USP34: variants seen among roughly 807,000 people sequenced by gnomAD.
USP34 encodes the protein ubiquitin specific peptidase 34.
In USP34, 70 loss-of-function variants were observed where a neutral mutation model predicts 460.3. That is an observed-to-expected ratio of 0.15 (90% CI 0.13 to 0.19). USP34 has a LOEUF of 0.19. Ranked by LOEUF, USP34 falls within the 10% of genes least tolerant of loss-of-function variation. The pLI is 1.00. For synonymous variants in USP34, 1,647 were observed against 1,405.3 expected, an observed-to-expected ratio of 1.17 and a Z score of -3.85; for missense variants, 3,985 against 4,236.2, an observed-to-expected ratio of 0.94 and a Z score of 1.65.
At chr2:61,256,060 A>G (rs1688716826) in intron 48 of USP34, among the ~76,000 whole-genome samples, 1 of 152,224 alleles carries the variant, frequency 6.6e-6, no homozygotes, top group Non-Finnish European at 1.5e-5. Context: ...ATTACTTAAG[A>G]AAATGTCACA....
At chr2:61,302,119 T>C (rs1052629299) in intron 27 of USP34, among the ~76,000 whole-genome samples, 1 of 152,144 alleles carries the variant, frequency 6.6e-6, no homozygotes, top group Non-Finnish European at 1.5e-5. Context: ...TATTGTATAA[T>C]GTACAACTTT....
chr2:61,258,128 T>C (rs1386377525), intron 44 of USP34, among the ~76,000 whole-genome samples: 1 of 151,714 alleles, frequency 6.6e-6, no homozygotes, highest in Non-Finnish European at 1.5e-5. Context: ...GTACGGCGAG[T>C]TGATTGCTTG....
intron 57 of USP34, among the ~76,000 whole-genome samples, chr2:61,234,324 A>C (rs1388856113): frequency 6.6e-6 from 1 of 152,188 alleles, no homozygotes; most frequent in Non-Finnish European, 1.5e-5. Flanking sequence ...TTGCCTTCCT[A>C]TGGAGATTTA....
chr2:61,348,269 T>C lies in USP34; in HGVS notation c.1886A>G (p.His629Arg), dbSNP rs370180925. ...ALKEEDEDDD[H>R]GHNPPKSSCG... ...ACTGCTTTTGGGAGGATTATGACCA[T>C]GATCATCGTCTTCATCTTCCTCTTT... The change falls in exon 15 of 80, where the codon CAT (histidine) becomes CGT (arginine). Residue 629 changes from histidine (H) to arginine (R), a missense_variant. Transcript: ENST00000398571. The C allele has an allele frequency of 6.2e-7, 1 of 1,614,112 alleles. No individual in the cohort carries two copies. The highest frequency in any genetic ancestry group is 1.7e-5 in the Admixed American group (1 of 60,002).
intron 8 of USP34, among the ~76,000 whole-genome samples, chr2:61,372,662 C>A (rs867276373): frequency 6.6e-6 from 1 of 152,146 alleles, no homozygotes; most frequent in African/African-American, 2.4e-5. Flanking sequence ...AAGGCATAAT[C>A]GTGCTGTTGC....
chr2:61,376,625 C>G (rs1460576633), intron 8 of USP34, among the ~76,000 whole-genome samples: 1 of 152,008 alleles, frequency 6.6e-6, no homozygotes, highest in Non-Finnish European at 1.5e-5. Flanking sequence ...AAATGAAAAT[C>G]CAGAGCTGTA....
At chr2:61,380,038 C>T (rs1360727978) in intron 7 of USP34, 131 bp downstream of exon 7, 2 of 655,564 alleles carry the variant, frequency 3.1e-6, no homozygotes, top group Non-Finnish European at 4.8e-6. Context: ...TTTGTGAAGA[C>T]CATATAAAGT....
chr2:61,344,026 A>T lies in USP34; in HGVS notation c.2289T>A (p.His763Gln), dbSNP rs1226576083. The T allele has an allele frequency of 1.2e-6, 2 of 1,613,446 alleles. No homozygotes were observed. The highest frequency in any genetic ancestry group is 1.7e-5 in the Admixed American group (1 of 60,012). The part of the protein sequence containing the change: ...HHHHHHHHDG[H>Q]MVDDMLSADD... ...CTGCACTTAGCATATCATCAACCAT[A>T]TGCCTACAAAACAGAGAAAAGCACA... Residue 763 changes from histidine to glutamine, a missense_variant, in exon 16 of 80, where the codon CAT (histidine) becomes CAA (glutamine). By Grantham distance (24) the His-to-Gln change is conservative. Coordinates refer to ENST00000398571, the MANE Select transcript of USP34 (RefSeq NM_014709.4).
chr2:61,266,365 TCTC>T (rs1242020921), intron 41 of USP34, among the ~76,000 whole-genome samples, 198 bp from the exon 42 acceptor site: 3 of 152,196 alleles, frequency 2.0e-5, no homozygotes, highest in African/African-American at 7.2e-5. Flanking sequence ...TTTACTCTTC[TCTC>T]CTTTTTGATA....
At chr2:61,404,535 C>T (rs1693812527) in intron 3 of USP34, among the ~76,000 whole-genome samples, 1 of 152,104 alleles carries the variant, frequency 6.6e-6, no homozygotes, top group Non-Finnish European at 1.5e-5. Context: ...CCTACTTTTG[C>T]CTTCCTGGAG....
chr2:61,229,496 AC>A, intron 59 of USP34, 51 bp downstream of exon 59: 4 of 1,162,366 alleles, frequency 3.4e-6, no homozygotes, highest in Admixed American at 2.7e-5. Context: ...AAACAAAAAC[AC>A]CACACACACA....
intron 10 of USP34, among the ~76,000 whole-genome samples, chr2:61,368,013 C>G (rs976313702): frequency 7.2e-5 from 11 of 152,158 alleles, no homozygotes; most frequent in African/African-American, 2.7e-4. Context: ...TTAGTATAAA[C>G]TCGATGAACA....
intron 56 of USP34, 43 bp downstream of exon 56, chr2:61,235,983 A>G (rs1688057050): frequency 6.3e-7 from 1 of 1,598,180 alleles, no homozygotes; most frequent in Admixed American, 1.8e-5. Flanking sequence ...GATATCTGAT[A>G]AAAACATAAA....
chr2:61,420,382 A>G (rs1379042850), intron 2 of USP34, among the ~76,000 whole-genome samples: 1 of 152,204 alleles, frequency 6.6e-6, no homozygotes, highest in Non-Finnish European at 1.5e-5. Flanking sequence ...ACAGATATTA[A>G]GTGGCTTAAA....
chr2:61,290,310 C>T (rs966782603), intron 33 of USP34, among the ~76,000 whole-genome samples: 7 of 152,032 alleles, frequency 4.6e-5, no homozygotes, highest in Non-Finnish European at 1.0e-4. Flanking sequence ...TTACACTTAC[C>T]ATATTATTTA....
intron 2 of USP34, among the ~76,000 whole-genome samples, chr2:61,412,839 T>C (rs1169960157): frequency 7.5e-6 from 1 of 133,000 alleles, no homozygotes; most frequent in Non-Finnish European, 1.5e-5. Flanking sequence ...CAGTGAGCCA[T>C]CATAACGCCA....
intron 1 of USP34, among the ~76,000 whole-genome samples, chr2:61,436,979 A>G (rs545921977): frequency 6.6e-6 from 1 of 152,362 alleles, no homozygotes; most frequent in African/African-American, 2.4e-5. Context: ...GAAATAAAAT[A>G]ATGTCTTGAA....
intron 15 of USP34, among the ~76,000 whole-genome samples, chr2:61,344,576 T>C (rs1318335327): frequency 2.6e-5 from 4 of 152,118 alleles, no homozygotes; most frequent in African/African-American, 9.7e-5. Context: ...GACTCACAAG[T>C]AGTACCATTA....
chr2:61,198,391 T>A (rs898421375), intron 75 of USP34, among the ~76,000 whole-genome samples: 5 of 152,166 alleles, frequency 3.3e-5, no homozygotes, highest in Non-Finnish European at 7.3e-5. Context: ...GACATTTGGG[T>A]TGTTTCCAGT....
Sources: gnomAD v4.1 joint callset for allele counts (sites outside exome capture counted in the v4.1 genomes callset) on GRCh38, gnomAD v4.1.1 for gene constraint, MANE v1.5 for transcripts, NCBI Gene and HGNC (gene_info 2026-07-23, HGNC 2026-07-21) for gene names.